The following RPS6KA2 variants were observed in gnomAD, a reference collection of about 807,000 sequenced individuals.
RPS6KA2 encodes ribosomal protein S6 kinase A2, also known as ribosomal protein S6 kinase alpha-2.
A neutral mutation model predicts 91.8 loss-of-function variants in RPS6KA2; 42 were observed. The ratio of observed to expected loss-of-function variants is 0.46; its 90% confidence interval spans 0.36 to 0.59. RPS6KA2 has a LOEUF of 0.59. Ranked by LOEUF, RPS6KA2 falls within the 20% of genes least tolerant of loss-of-function variation. The pLI is 0.00. For missense variants in RPS6KA2, 798 were observed against 978.5 expected (o/e 0.82, Z 2.46); for synonymous variants, 414 against 393.6 (o/e 1.05, Z -0.61).
intron 2 of RPS6KA2, among the ~76,000 whole-genome samples, chr6:166,823,434 AGTGTGTGTGTGTGTGT>A (rs56187218): frequency 2.0e-5 from 3 of 147,986 alleles, no homozygotes; most frequent in Non-Finnish European, 4.5e-5. Flanking sequence ...TTGGTTTTGC[AGTGTGTGTGTGTGTGT>A]GTGTGTGTGT....
rs1779389340 is a variant in RPS6KA2 at position 166,437,916 on chromosome 6, T to C, written c.1333-5426A>G. Among the ~76,000 whole-genome samples the C allele has an allele frequency of 6.6e-6, 1 of 152,154 alleles. No homozygotes were observed. Among genetic ancestry groups the C allele is most frequent in the African/African-American group, 2.4e-5 (1 of 41,412 alleles). On this transcript the variant is annotated intron_variant, in intron 14 of 20. Transcript: ENST00000265678. The surrounding 1 kb of genome is among the most constrained non-coding windows in gnomAD (Gnocchi z 4.3). ...CTACCTTCCCTGTCTTTCTTGTCTC[T>C]CTCCATCAGTGGAGACACCGTCTCC...
chr6:166,802,360 T>A (rs1278537246), intron 2 of RPS6KA2, among the ~76,000 whole-genome samples: 1 of 152,114 alleles, frequency 6.6e-6, no homozygotes, highest in African/African-American at 2.4e-5. Context: ...TGGCCCTTTA[T>A]TTTTACTTAT....
At chr6:166,818,922 C>T (rs1779836386) in intron 2 of RPS6KA2, among the ~76,000 whole-genome samples, 1 of 151,984 alleles carries the variant, frequency 6.6e-6, no homozygotes. Context: ...GACCTGGAGC[C>T]AGCTACTGCT....
chr6:166,838,548 T>C (rs1437624877), intron 2 of RPS6KA2, among the ~76,000 whole-genome samples: 4 of 152,174 alleles, frequency 2.6e-5, no homozygotes, highest in Admixed American at 1.3e-4. Context: ...AGTCCCCCAA[T>C]TGTCCAAAGA....
chr6:166,824,580 C>CTG (rs373634779), intron 2 of RPS6KA2, among the ~76,000 whole-genome samples: 1 of 149,044 alleles, frequency 6.7e-6, no homozygotes, highest in Non-Finnish European at 1.5e-5. Context: ...GTGTCTGTGT[C>CTG]TGTGTGTGTG....
rs1320007419 is a variant in RPS6KA2, at chr6:166,662,752, C to T, written c.124-123968G>A. ...GACTGAATTGTGTGCTCTCCAAATT[C>T]ATATGTTGAAGTCCTAACCTCTGGT... On this transcript the variant is annotated intron_variant, in intron 2 of 21. Coordinates refer to the RPS6KA2 transcript ENST00000503859. This position sits in a 1 kb window ranked among gnomAD's most constrained non-coding sequence, Gnocchi z 4.3. 6.6e-6 allele frequency among the ~76,000 whole-genome samples: 1 copy of T among 152,116 alleles called. No homozygotes were observed.
chr6:166,843,345 C>T (rs1780533532), intron 2 of RPS6KA2, among the ~76,000 whole-genome samples: 1 of 152,184 alleles, frequency 6.6e-6, no homozygotes, highest in African/African-American at 2.4e-5. Context: ...ACAGCCCTGA[C>T]CACCTCTGGA....
rs762236412 is a variant in RPS6KA2, at chr6:166,765,363, C to T, written c.123+92837G>A. Among the ~76,000 whole-genome samples, 12 of 152,310 alleles carry T rather than the reference C, an allele frequency of 7.9e-5. 1 individual carries two copies. The highest frequency in any genetic ancestry group is 3.3e-4 in the Admixed American group (5 of 15,300). On this transcript the variant is annotated intron_variant, in intron 2 of 21. Transcript: ENST00000503859. ...GACGCGTGGTGACGACCCACGGCCA[C>T]GAGCACAGCCAGCCCTCCTTAGCCA...
chr6:166,656,993 ACTCC>A (rs1788021449), intron 2 of RPS6KA2, among the ~76,000 whole-genome samples: 1 of 151,714 alleles, frequency 6.6e-6, no homozygotes, highest in South Asian at 2.1e-4. Flanking sequence ...TGAGTCTCTG[ACTCC>A]CTGCCAGAAC....
At chr6:166,664,734 C>A (rs1340189261) in intron 2 of RPS6KA2, among the ~76,000 whole-genome samples, 1 of 151,942 alleles carries the variant, frequency 6.6e-6, no homozygotes, top group African/African-American at 2.4e-5. Context: ...ATATTAAGAA[C>A]CTACTGAGCA....
chr6:166,782,305 C>A (rs1778792489), intron 2 of RPS6KA2, among the ~76,000 whole-genome samples: 1 of 152,152 alleles, frequency 6.6e-6, no homozygotes, highest in African/African-American at 2.4e-5. Flanking sequence ...ACAACAACCA[C>A]AACAAAATGT....
rs983253604 is a variant in RPS6KA2, at chr6:166,807,177, A to C, written c.123+51023T>G. Reference sequence around the variant, plus strand: ...TAATCACTTTAAATGTAAATGGATTAAACTCTCCAATCAAAAGGCAAATAT... The same window carrying C: ...TAATCACTTTAAATGTAAATGGATTCAACTCTCCAATCAAAAGGCAAATAT... On this transcript the variant is annotated intron_variant, in intron 2 of 21. Transcript: ENST00000503859. Among the ~76,000 whole-genome samples, 8 of 152,240 alleles carry C rather than the reference A, an allele frequency of 5.3e-5. No homozygotes were observed. The East Asian group carries it at 1.3e-3, about 26-fold the overall frequency.
rs1310177126 is a variant in RPS6KA2 at position 166,855,410 on chromosome 6, AGG to A, written c.123+2788_123+2789del. ...AAAAAGGAGAAGGAGGAGGAGGAAGAGGAGGAGGAAGAAGAAGAGGAAGAAGA... is the reference window on the plus strand; with the variant it reads ...AAAAAGGAGAAGGAGGAGGAGGAAGAAGGAGGAAGAAGAAGAGGAAGAAGA... On this transcript the variant is annotated intron_variant, in intron 2 of 21. Coordinates refer to the RPS6KA2 transcript ENST00000503859. Among the ~76,000 whole-genome samples the A allele has an allele frequency of 2.4e-4, 35 of 148,854 alleles. 1 individual carries two copies. The East Asian group carries it at 5.4e-3, about 23-fold the overall frequency.
At position 166,469,843 on chromosome 6, in the gene RPS6KA2, T is replaced by G; in HGVS notation, c.970A>C (p.Asn324His). 2 of 1,613,984 alleles carry G rather than the reference T, an allele frequency of 1.2e-6. No individual in the cohort carries two copies. Among genetic ancestry groups the G allele is most frequent in the Non-Finnish European group, 8.5e-7 (1 of 1,179,858 alleles). ...RHPFFVTIDW[N>H]TLYRKEIKPP... ...GGGGACTGTGGCATGCAACTTACGT[T>G]CCAGTCTATGGTCACAAAGAAGGGA... The change falls in exon 11 of 21, where the codon AAC becomes CAC. Residue 324 changes from asparagine to histidine, a missense_variant and splice_region_variant. Physicochemically the swap from Asn to His is moderately conservative, Grantham distance 68 (BLOSUM62 1). Transcript: ENST00000265678.
At chr6:166,430,422 C>T (rs376914409) in intron 16 of RPS6KA2, 31 bp downstream of exon 16, 5 of 1,589,528 alleles carry the variant, frequency 3.1e-6, no homozygotes, top group Non-Finnish European at 4.3e-6. Flanking sequence ...GCTCCCTCCT[C>T]CCCGAAGGCT....
At chr6:166,569,279 G>A (rs936164084) in intron 1 of RPS6KA2, among the ~76,000 whole-genome samples, 4 of 152,210 alleles carry the variant, frequency 2.6e-5, no homozygotes, top group Non-Finnish European at 5.9e-5. Flanking sequence ...CTTCCATGGC[G>A]GGTTTTCTTC....
chr6:166,479,347 G>C (rs1358278728), intron 10 of RPS6KA2, among the ~76,000 whole-genome samples: 5 of 152,280 alleles, frequency 3.3e-5, no homozygotes, highest in African/African-American at 9.6e-5. Flanking sequence ...AGAGCCATGA[G>C]AAAGGGGCAG....
intron 11 of RPS6KA2, among the ~76,000 whole-genome samples, chr6:166,464,127 C>T (rs1324441810): frequency 6.6e-6 from 1 of 152,214 alleles, no homozygotes; most frequent in East Asian, 1.9e-4. Flanking sequence ...CTCCCACACC[C>T]CCAAACCACT....
At chr6:166,653,358 G>A (rs1398603688) in intron 2 of RPS6KA2, among the ~76,000 whole-genome samples, 3 of 152,216 alleles carry the variant, frequency 2.0e-5, no homozygotes, top group African/African-American at 4.8e-5. Context: ...GCCCTGCCTG[G>A]CCCTAATAAT....
Sources: gnomAD v4.1 joint callset for allele counts (sites outside exome capture counted in the v4.1 genomes callset) on GRCh38, gnomAD v4.1.1 for gene constraint, Gnocchi (gnomAD v3.1) non-coding constraint, MANE v1.5 for transcripts, NCBI Gene and HGNC (gene_info 2026-07-23, HGNC 2026-07-21) for gene names.